Variants in VAV2 observed in about 807,000 individuals in gnomAD.
The protein encoded by VAV2 is guanine nucleotide exchange factor VAV2.
Under a neutral mutation model 132.5 loss-of-function variants are expected in VAV2, and 67 were observed. The observed-to-expected ratio is 0.51, with a 90% CI of 0.42 to 0.62. VAV2 has a LOEUF of 0.62. Among genes scored for constraint, VAV2 ranks in the 20% least tolerant of loss-of-function variants. The probability of loss-of-function intolerance (pLI) is 0.00; values close to 1 mark genes in which losing one functional copy is unlikely to be tolerated. For missense variants in VAV2, 938 were observed against 1,153.6 expected, an observed-to-expected ratio of 0.81 and a Z score of 2.71; for synonymous variants, 492 against 443.5, an observed-to-expected ratio of 1.11 and a Z score of -1.37.
chr9:133,922,677 C>T (rs1015800439), intron 2 of VAV2, among the ~76,000 whole-genome samples: 2 of 152,300 alleles, frequency 1.3e-5, no homozygotes, highest in Admixed American at 6.5e-5. Flanking sequence ...CCTTATCTTA[C>T]ACCATATACA....
chr9:133,848,777 C>T (rs1837052467), intron 3 of VAV2, among the ~76,000 whole-genome samples: 1 of 151,912 alleles, frequency 6.6e-6, no homozygotes, highest in African/African-American at 2.4e-5. Flanking sequence ...CGTTCAGGCT[C>T]CCCTGAACTC....
chr9:133,986,052 A>C (rs903438242), intron 1 of VAV2, among the ~76,000 whole-genome samples: 53 of 152,208 alleles, frequency 3.5e-4, no homozygotes, highest in African/African-American at 1.2e-3. Context: ...GGAGAAAAGG[A>C]GAAGCAAATA....
intron 1 of VAV2, among the ~76,000 whole-genome samples, chr9:133,974,746 C>T (rs1339104473): frequency 1.4e-5 from 2 of 144,728 alleles, no homozygotes; most frequent in East Asian, 2.1e-4. Flanking sequence ...CCCAGCAGTG[C>T]GCCGCGGACA....
intron 2 of VAV2, among the ~76,000 whole-genome samples, chr9:133,908,544 C>T (rs983059817): frequency 1.3e-4 from 20 of 152,146 alleles, no homozygotes; most frequent in Admixed American, 2.0e-4. Flanking sequence ...TGTCCACCCC[C>T]AGCCCATCCT....
intron 1 of VAV2, among the ~76,000 whole-genome samples, chr9:133,977,024 C>A (rs963661338): frequency 6.6e-6 from 1 of 152,226 alleles, no homozygotes; most frequent in Non-Finnish European, 1.5e-5. Flanking sequence ...CCAGGGACTG[C>A]GGCCAGAGGG....
At chr9:133,874,089 G>A (rs941030090) in intron 2 of VAV2, among the ~76,000 whole-genome samples, 18 of 152,258 alleles carry the variant, frequency 1.2e-4, no homozygotes, top group Admixed American at 1.2e-3. Flanking sequence ...GGTGCCTCTG[G>A]CAGCAGAGCC....
At chr9:133,877,270 C>T (rs145957681) in intron 2 of VAV2, among the ~76,000 whole-genome samples, 1 of 152,202 alleles carries the variant, frequency 6.6e-6, no homozygotes, top group East Asian at 1.9e-4. Context: ...GCACACTCCA[C>T]ACTCTGCACA....
At chr9:133,825,211 G>T (rs1835937672) in intron 4 of VAV2, among the ~76,000 whole-genome samples, 1 of 148,704 alleles carries the variant, frequency 6.7e-6, no homozygotes, top group Non-Finnish European at 1.5e-5. Flanking sequence ...GGGGGCGGGG[G>T]ACAAAGGCCT....
chr9:133,783,422 AGGCCCGTACCCAG>A (rs1382528352), intron 19 of VAV2, 68 bp downstream of exon 19: 1 of 1,398,228 alleles, frequency 7.2e-7, no homozygotes, highest in East Asian at 2.3e-5. Context: ...ATGGTGCCCG[AGGCCCGTACCCAG>A]GTGGTAGGGG....
intron 4 of VAV2, among the ~76,000 whole-genome samples, chr9:133,819,931 G>A (rs914232913): frequency 1.3e-5 from 2 of 152,152 alleles, no homozygotes; most frequent in Admixed American, 6.5e-5. Context: ...AAAATCAAAC[G>A]TATTTGATAA....
chr9:133,856,912 G>C (rs946260632), intron 3 of VAV2, among the ~76,000 whole-genome samples: 1 of 152,150 alleles, frequency 6.6e-6, no homozygotes, highest in Non-Finnish European at 1.5e-5. Flanking sequence ...GGGTTTGGGG[G>C]TTAGGACATC....
At chr9:133,942,025 G>A (rs1841181722) in intron 1 of VAV2, among the ~76,000 whole-genome samples, 1 of 152,218 alleles carries the variant, frequency 6.6e-6, no homozygotes, top group Non-Finnish European at 1.5e-5. Flanking sequence ...TCTTGCTTGG[G>A]AAGACCAGAG....
In VAV2 at chr9:133,897,045, C is replaced by G. The variant is rs184746160; in HGVS notation, c.322-35613G>C. Among the ~76,000 whole-genome samples the G allele has an allele frequency of 3.2e-4, 48 of 152,134 alleles. No homozygotes were observed. The East Asian group carries it at 5.8e-3, about 18-fold the overall frequency. On this transcript the variant is annotated intron_variant, in intron 2 of 29. Coordinates refer to ENST00000371850, the MANE Select transcript of VAV2 (RefSeq NM_001134398.2). ...GGAGGCGGAGCTTGCAGTGAGCCGA[C>G]ATCGTGCCACTGCACTCCAGCCTGG...
chr9:133,769,563 T>G lies in VAV2; in HGVS notation c.2348-60A>C. ...GCAGGGCATCCACGCACAGTCACGGTGGGCACAGCTACAGGCCGGGGGGCA... is the reference window on the plus strand; with the variant it reads ...GCAGGGCATCCACGCACAGTCACGGGGGGCACAGCTACAGGCCGGGGGGCA... On this transcript the variant is annotated intron_variant, in intron 27 of 29. Coordinates refer to ENST00000371850, the MANE Select transcript of VAV2 (RefSeq NM_001134398.2). This position sits in a 1 kb window ranked among gnomAD's most constrained non-coding sequence, Gnocchi z 8.1. The G allele has an allele frequency of 3.7e-5, 56 of 1,528,874 alleles. No homozygotes were observed. Among genetic ancestry groups the G allele is most frequent in the Non-Finnish European group, 4.7e-5 (53 of 1,123,584 alleles). The allele number at this position is 1,528,874 out of a possible 1,614,324, so 94.7% of individuals were successfully genotyped here.
At chr9:133,916,540 G>C (rs565101558) in intron 2 of VAV2, among the ~76,000 whole-genome samples, 1 of 152,258 alleles carries the variant, frequency 6.6e-6, no homozygotes, top group East Asian at 1.9e-4. Context: ...TTGAGGATGT[G>C]GGGCTGGGTG....
At chr9:133,795,871 G>A in intron 11 of VAV2, 135 bp from the exon 12 acceptor site, 2 of 914,342 alleles carry the variant, frequency 2.2e-6, no homozygotes, top group African/African-American at 1.7e-5. Context: ...AGCCAGGCTG[G>A]GTTTGGCTGC....
chr9:133,964,186 T>A (rs1018116064), intron 1 of VAV2, among the ~76,000 whole-genome samples: 2 of 150,712 alleles, frequency 1.3e-5, no homozygotes, highest in Admixed American at 1.3e-4. Flanking sequence ...GGCAAAACCC[T>A]GTCTCTACAA....
At chr9:133,847,424 G>T (rs1564401892) in intron 3 of VAV2, among the ~76,000 whole-genome samples, 1 of 152,218 alleles carries the variant, frequency 6.6e-6, no homozygotes, top group African/African-American at 2.4e-5. Flanking sequence ...GCCTGCCTCA[G>T]TCTCCCCACC....
intron 1 of VAV2, among the ~76,000 whole-genome samples, chr9:133,967,653 C>T (rs1001698256): frequency 2.0e-5 from 3 of 152,052 alleles, no homozygotes; most frequent in Non-Finnish European, 2.9e-5. Flanking sequence ...TCATATGGGC[C>T]GGGTGCAGTG....
Sources: allele counts gnomAD v4.1 joint callset (sites outside exome capture counted in the v4.1 genomes callset), GRCh38; gene constraint gnomAD v4.1.1; non-coding constraint Gnocchi (gnomAD v3.1); transcripts MANE v1.5; gene names NCBI Gene and HGNC (gene_info 2026-07-23, HGNC 2026-07-21).